CLPB: variants seen among roughly 807,000 people sequenced by gnomAD.
The protein encoded by CLPB is ClpB family mitochondrial disaggregase.
Under a neutral mutation model 78.4 loss-of-function variants are expected in CLPB, and 40 were observed. The ratio of observed to expected loss-of-function variants is 0.51; its 90% CI spans 0.40 to 0.66. The LOEUF (loss-of-function observed/expected upper bound fraction) is 0.66, where lower values mean the gene tolerates loss of function less well. CLPB is among the 30% of genes least tolerant of loss of function. The pLI, the probability that CLPB is intolerant of heterozygous loss-of-function variation, is 0.00. For synonymous variants in CLPB, 333 were observed against 348.0 expected (o/e 0.96, Z 0.48); for missense variants, 780 against 886.9 (o/e 0.88, Z 1.53).
At chr11:72,307,081 G>T in intron 9 of CLPB, 118 bp downstream of exon 9, 1 of 906,322 alleles carries the variant, frequency 1.1e-6, no homozygotes, top group Non-Finnish European at 1.7e-6. Context: ...CTGCTTCCTG[G>T]GTCAGGGCCC....
intron 7 of CLPB, among the ~76,000 whole-genome samples, chr11:72,308,927 G>A (rs1470714463): frequency 6.6e-6 from 1 of 152,176 alleles, no homozygotes; most frequent in Non-Finnish European, 1.5e-5. Context: ...TGGTGAAGGA[G>A]AATTCGAGAG....
At chr11:72,367,791 T>TA (rs901187513) in intron 4 of CLPB, among the ~76,000 whole-genome samples, 37 of 147,810 alleles carry the variant, frequency 2.5e-4, no homozygotes, top group African/African-American at 4.5e-4. Flanking sequence ...GATACAAAAT[T>TA]AAAAAAAAAA....
intron 4 of CLPB, among the ~76,000 whole-genome samples, chr11:72,362,131 C>G (rs774476979): frequency 6.6e-6 from 1 of 152,234 alleles, no homozygotes; most frequent in Non-Finnish European, 1.5e-5. Context: ...ATTCGACTGC[C>G]TGGAACATCT....
At chr11:72,305,473 T>C (rs1949730947) in intron 9 of CLPB, among the ~76,000 whole-genome samples, 1 of 152,218 alleles carries the variant, frequency 6.6e-6, no homozygotes, top group Admixed American at 6.5e-5. Flanking sequence ...GCATCGTCAC[T>C]TGATGCTCAC....
At chr11:72,394,586 C>T (rs78418285) in intron 3 of CLPB, among the ~76,000 whole-genome samples, 6,548 of 152,260 alleles carry the variant, frequency 0.043, 173 homozygotes, top group East Asian at 0.066. Context: ...CAGGGAGCAG[C>T]GTCTTGAGTT....
intron 8 of CLPB, 130 bp downstream of exon 8, chr11:72,308,397 T>C: frequency 4.2e-6 from 3 of 721,076 alleles, no homozygotes; most frequent in Admixed American, 4.4e-5. Flanking sequence ...CTGGAGGCCG[T>C]TGCTTTTAGA....
At chr11:72,304,395 A>G (rs553336509) in intron 9 of CLPB, among the ~76,000 whole-genome samples, 1 of 152,314 alleles carries the variant, frequency 6.6e-6, no homozygotes, top group East Asian at 1.9e-4. Context: ...CACCTAGTAG[A>G]GTACAGTTGG....
intron 6 of CLPB, among the ~76,000 whole-genome samples, chr11:72,323,969 G>A (rs904679977): frequency 6.6e-6 from 1 of 151,880 alleles, no homozygotes; most frequent in Non-Finnish European, 1.5e-5. Context: ...ATCCTTATAT[G>A]TATTATTTAT....
intron 3 of CLPB, among the ~76,000 whole-genome samples, chr11:72,387,844 A>G (rs17162138): frequency 0.026 from 3,934 of 152,234 alleles, 169 homozygotes; most frequent in African/African-American, 0.09. Flanking sequence ...GATGTGTGTT[A>G]AAATCCAAGT....
At chr11:72,301,750 T>TC in intron 11 of CLPB, 53 bp downstream of exon 11, 1 of 1,575,562 alleles carries the variant, frequency 6.3e-7, no homozygotes, top group Non-Finnish European at 8.6e-7. Flanking sequence ...CTGTTCACAG[T>TC]CCCCCTTATC....
At chr11:72,427,776 C>T (rs1002067691) in intron 2 of CLPB, among the ~76,000 whole-genome samples, 51 of 152,188 alleles carry the variant, frequency 3.4e-4, no homozygotes, top group Non-Finnish European at 3.1e-4. Flanking sequence ...TGAAATTGCA[C>T]TACTCAGAAT....
At chr11:72,323,461 G>A (rs1474898442) in intron 6 of CLPB, among the ~76,000 whole-genome samples, 3 of 151,976 alleles carry the variant, frequency 2.0e-5, no homozygotes, top group East Asian at 1.9e-4. Flanking sequence ...CAGCTACTCT[G>A]GAGGCTGAGG....
In CLPB at chr11:72,355,488, T is replaced by G. The variant is rs990122196; in HGVS notation, c.775+3392A>C. On this transcript the variant is annotated intron_variant, in intron 5 of 15. Coordinates refer to ENST00000538039, the MANE Select transcript of CLPB (RefSeq NM_001258392.3). ...AGTACTTATAACAGGGAACCTACCA[T>G]GTGCCTGCCAGGGGCTTTCATAAAA... 4 of 152,222 alleles carry G rather than the reference T, an allele frequency of 2.6e-5. No homozygotes were observed. The South Asian group carries it at 8.3e-4, about 32-fold the overall frequency. 9.4% of individuals were successfully genotyped at this position (152,222 alleles called of 1,614,324 possible). A position where few individuals can be genotyped will look rare whatever the true frequency, so the allele number is the denominator to read the frequency against.
chr11:72,414,623 T>C (rs1855967951), intron 2 of CLPB, among the ~76,000 whole-genome samples: 1 of 152,216 alleles, frequency 6.6e-6, no homozygotes, highest in Non-Finnish European at 1.5e-5. Context: ...GTGTTGGGCA[T>C]TGACAGACAC....
intron 3 of CLPB, among the ~76,000 whole-genome samples, chr11:72,390,522 C>T (rs767131764): frequency 6.6e-6 from 1 of 150,734 alleles, no homozygotes; most frequent in Non-Finnish European, 1.5e-5. Context: ...TATCAACAGC[C>T]AATTCCTAGA....
At chr11:72,307,432 G>A (rs745827251) in intron 8 of CLPB, among the ~76,000 whole-genome samples, 178 bp from the exon 9 acceptor site, 1 of 152,188 alleles carries the variant, frequency 6.6e-6, no homozygotes, top group Non-Finnish European at 1.5e-5. Flanking sequence ...GTGAAGCTGG[G>A]ACCAAAATCA....
In CLPB at chr11:72,408,105, G is replaced by T. The variant is rs747897927; in HGVS notation, c.456-5053C>A. On this transcript the variant is annotated intron_variant, in intron 2 of 15. Transcript: ENST00000538039. ...GGAAAGGGCTCTACAAACCTGAGGG[G>T]CCATTCAGAGGAGGAAATCTTGGTG... The T allele has an allele frequency of 2.6e-6, 4 of 1,532,874 alleles. No homozygotes were observed. The South Asian group carries it at 4.8e-5, about 18-fold the overall frequency. 95.0% of individuals were successfully genotyped at this position (1,532,874 alleles called of 1,614,324 possible). A position where few individuals can be genotyped will look rare whatever the true frequency, so the allele number is the denominator to read the frequency against.
intron 5 of CLPB, among the ~76,000 whole-genome samples, chr11:72,349,698 A>G (rs766154115): frequency 2.0e-5 from 3 of 152,172 alleles, no homozygotes; most frequent in Non-Finnish European, 4.4e-5. Context: ...CAACAGCAAA[A>G]GCTGCAGTGT....
intron 3 of CLPB, among the ~76,000 whole-genome samples, chr11:72,388,866 C>A (rs145206917): frequency 6.6e-6 from 1 of 152,094 alleles, no homozygotes; most frequent in East Asian, 1.9e-4. Context: ...GGCAGAAACA[C>A]GGTAGAAGGC....
Sources: gnomAD v4.1 joint callset for allele counts (sites outside exome capture counted in the v4.1 genomes callset) on GRCh38, gnomAD v4.1.1 for gene constraint, MANE v1.5 for transcripts, NCBI Gene and HGNC (gene_info 2026-07-23, HGNC 2026-07-21) for gene names.